ABAT: variants seen among roughly 807,000 people sequenced by gnomAD.
ABAT encodes the protein 4-aminobutyrate aminotransferase, mitochondrial.
A neutral mutation model predicts 64.6 loss-of-function variants in ABAT; 45 were observed. The observed-to-expected ratio is 0.70, with a 90% CI of 0.55 to 0.89. The LOEUF is 0.89. Among genes scored for constraint, ABAT ranks in the 40% least tolerant of loss-of-function variants. The probability of loss-of-function intolerance (pLI) is 0.00; values close to 1 mark genes in which losing one functional copy is unlikely to be tolerated. For synonymous variants in ABAT, 297 were observed against 250.5 expected, an observed-to-expected ratio of 1.19 and a Z score of -1.75; for missense variants, 633 against 658.4, an observed-to-expected ratio of 0.96 and a Z score of 0.42.
intron 1 of ABAT, among the ~76,000 whole-genome samples, chr16:8,690,658 G>T (rs1315465847): frequency 6.6e-6 from 1 of 152,198 alleles, no homozygotes; most frequent in Non-Finnish European, 1.5e-5. Context: ...ATTCTCGGCA[G>T]TGCCTTTTAA....
rs748922986 is a variant in ABAT at position 8,748,147 on chromosome 16, G to A, written c.198+10G>A. On this transcript the variant is annotated intron_variant, in intron 4 of 15. Coordinates refer to ENST00000268251, the MANE Select transcript of ABAT (RefSeq NM_020686.6). ...GCTGAATATAATTCAGGTAAGTGAGGAGGAGGTAACTTTCCTTCTGTTGCT... is the reference window on the plus strand; with the variant it reads ...GCTGAATATAATTCAGGTAAGTGAGAAGGAGGTAACTTTCCTTCTGTTGCT... The A allele has an allele frequency of 2.5e-6, 4 of 1,612,750 alleles. No individual in the cohort carries two copies. Among genetic ancestry groups the A allele is most frequent in the Admixed American group, 1.7e-5 (1 of 59,986 alleles).
intron 1 of ABAT, among the ~76,000 whole-genome samples, chr16:8,676,539 C>T (rs1035628916): frequency 2.0e-5 from 3 of 152,188 alleles, no homozygotes; most frequent in East Asian, 1.9e-4. Flanking sequence ...CAGGCTGCCT[C>T]GTGGAATCCA....
chr16:8,730,226 A>G (rs938463695), intron 1 of ABAT, among the ~76,000 whole-genome samples: 18 of 152,234 alleles, frequency 1.2e-4, no homozygotes, highest in Non-Finnish European at 8.8e-5. Flanking sequence ...ATTGATCTTT[A>G]TGTGCCCTAG....
In ABAT at chr16:8,764,209, A is replaced by C; in HGVS notation, c.447+60A>C. ...ACGTGGTACTGGCAGGGGAAGGGAA[A>C]AGTGGAGACGCCAACAATGAAGAAT... is the stretch of plus-strand genomic sequence containing the variant. On this transcript the variant is annotated intron_variant, in intron 7 of 15. Coordinates refer to ENST00000268251, the MANE Select transcript of ABAT (RefSeq NM_020686.6). The surrounding 1 kb of genome is among the most constrained non-coding windows in gnomAD (Gnocchi z 4.2). 1 of 1,370,770 alleles carries C rather than the reference A, an allele frequency of 7.3e-7. No homozygotes were observed. The highest frequency in any genetic ancestry group is 1.0e-6 in the Non-Finnish European group (1 of 961,822). 84.9% of individuals were successfully genotyped at this position (1,370,770 alleles called of 1,614,324 possible). A position where few individuals can be genotyped will look rare whatever the true frequency, so the allele number is the denominator to read the frequency against.
At chr16:8,738,416 T>C (rs1377431498) in intron 2 of ABAT, 1 of 455,934 alleles carries the variant, frequency 2.2e-6, no homozygotes, top group Admixed American at 2.3e-5. Context: ...TCACTCATTT[T>C]TCCTTTAATG....
chr16:8,723,017 G>A (rs1234361457), intron 1 of ABAT, among the ~76,000 whole-genome samples: 1 of 152,136 alleles, frequency 6.6e-6, no homozygotes, highest in Non-Finnish European at 1.5e-5. Context: ...GGGATCACTT[G>A]AGGTCAGGAG....
intron 1 of ABAT, among the ~76,000 whole-genome samples, chr16:8,696,647 A>G (rs146318164): frequency 7.9e-5 from 12 of 152,252 alleles, no homozygotes; most frequent in African/African-American, 2.2e-4. Context: ...GAAGTTTGGT[A>G]TCAGCAACCT....
At chr16:8,745,259 G>A (rs1044342523) in intron 2 of ABAT, among the ~76,000 whole-genome samples, 3 of 152,100 alleles carry the variant, frequency 2.0e-5, no homozygotes, top group South Asian at 2.1e-4. Flanking sequence ...TGGGATTACC[G>A]GAATGAGCGA....
chr16:8,771,555 A>G (rs1456533490), intron 11 of ABAT, among the ~76,000 whole-genome samples: 2 of 145,856 alleles, frequency 1.4e-5, no homozygotes, highest in African/African-American at 5.2e-5. Context: ...TGCAACTTCT[A>G]CCTCCTGGGT....
At chr16:8,681,181 G>T (rs1311935212) in intron 1 of ABAT, among the ~76,000 whole-genome samples, 6 of 152,122 alleles carry the variant, frequency 3.9e-5, no homozygotes, top group African/African-American at 1.2e-4. Context: ...TGTTGAGATG[G>T]AGTCTCCCTA....
At chr16:8,705,266 G>C (rs892490186) in intron 1 of ABAT, among the ~76,000 whole-genome samples, 1 of 152,156 alleles carries the variant, frequency 6.6e-6, no homozygotes, top group Non-Finnish European at 1.5e-5. Context: ...GCAGGAGAGA[G>C]AGAGAGAGAG....
intron 4 of ABAT, among the ~76,000 whole-genome samples, chr16:8,749,386 CTTTTTTTTT>C (rs1160144275): frequency 1.2e-4 from 4 of 32,016 alleles, no homozygotes; most frequent in South Asian, 2.3e-3. Context: ...CGCACCCGGC[CTTTTTTTTT>C]TTTTTTTTTT....
chr16:8,758,765 C>T (rs1273430), intron 6 of ABAT, among the ~76,000 whole-genome samples: 28,162 of 152,082 alleles, frequency 0.19, 2,733 homozygotes, highest in South Asian at 0.29. Flanking sequence ...TGACACCTGT[C>T]TCTATCCGAA....
rs1023418726 is a variant in ABAT at position 8,783,103 on chromosome 16, G to C, written c.*1673G>C. On this transcript the variant is annotated 3_prime_UTR_variant, in exon 16 of 16. Transcript: ENST00000268251. ...CGTTCTTAATCAGGAGTTCTGCCAG[G>C]TTTAAGGTCACCTGCACTCCCAGCC... The C allele has an allele frequency of 6.6e-6, 1 of 152,080 alleles. No homozygotes were observed. The highest frequency in any genetic ancestry group is 1.5e-5 in the Non-Finnish European group (1 of 68,034). 9.4% of individuals were successfully genotyped at this position (152,080 alleles called of 1,614,324 possible). A position where few individuals can be genotyped will look rare whatever the true frequency, so the allele number is the denominator to read the frequency against.
At chr16:8,719,677 C>G (rs1331477788) in intron 1 of ABAT, among the ~76,000 whole-genome samples, 1 of 152,024 alleles carries the variant, frequency 6.6e-6, no homozygotes, top group Non-Finnish European at 1.5e-5. Context: ...AGAAGAAGTG[C>G]CTTTACTAAC....
Position 8,750,521 on chromosome 16 carries a change from A to G in ABAT, c.298A>G (p.Ile100Val). Residue 100 changes from isoleucine (I) to valine (V), a missense_variant, in exon 5 of 16, where the codon ATC (isoleucine) becomes GTC (valine). Physicochemically the swap from Ile to Val is conservative, Grantham distance 29 (BLOSUM62 3). Transcript: ENST00000268251. ...GNRMLDLYSQ[I>V]SSVPIGYSHP... ...CCGAATGCTGGATCTTTATTCCCAG[A>G]TCTCCTCTGTCCCCATAGGTAAGAG... 1 of 1,613,936 alleles carries G rather than the reference A, an allele frequency of 6.2e-7. No individual in the cohort carries two copies. The highest frequency in any genetic ancestry group is 8.5e-7 in the Non-Finnish European group (1 of 1,179,860).
chr16:8,771,457 G>A (rs1369399181), intron 11 of ABAT, among the ~76,000 whole-genome samples: 1 of 123,780 alleles, frequency 8.1e-6, no homozygotes, highest in African/African-American at 3.3e-5. Context: ...TACGGTTTAG[G>A]GTTTTTCTTT....
At chr16:8,752,835 G>A (rs1731039) in intron 5 of ABAT, among the ~76,000 whole-genome samples, 145,059 of 152,312 alleles carry the variant, frequency 0.95, 69,343 homozygotes, top group East Asian at 1. Context: ...CTGTCCTCCC[G>A]TATCTGTAGT....
At chr16:8,745,300 A>G (rs2059298228) in intron 2 of ABAT, among the ~76,000 whole-genome samples, 1 of 152,128 alleles carries the variant, frequency 6.6e-6, no homozygotes, top group Non-Finnish European at 1.5e-5. Flanking sequence ...TGTTAAATAG[A>G]CAATATATGA....
Sources: gnomAD v4.1 joint callset for allele counts (sites outside exome capture counted in the v4.1 genomes callset) on GRCh38, gnomAD v4.1.1 for gene constraint, Gnocchi (gnomAD v3.1) non-coding constraint, MANE v1.5 for transcripts, NCBI Gene and HGNC (gene_info 2026-07-23, HGNC 2026-07-21) for gene names.